Variants in LRRFIP1 observed in about 807,000 individuals in gnomAD.
LRRFIP1 encodes leucine-rich repeat flightless-interacting protein 1.
LRRFIP1 carries 62 observed loss-of-function variants against 104.4 expected under a neutral mutation model. The observed-to-expected ratio is 0.59, with a 90% CI of 0.48 to 0.73. LRRFIP1 has a LOEUF of 0.73. Among genes scored for constraint, LRRFIP1 ranks in the 30% least tolerant of loss-of-function variants. The pLI is 0.00. For synonymous variants in LRRFIP1, 300 were observed against 299.0 expected (o/e 1.00, Z -0.03); for missense variants, 796 against 824.5 (o/e 0.97, Z 0.42).
chr2:237,729,049 A>G (rs986720098), intron 8 of LRRFIP1, among the ~76,000 whole-genome samples: 3 of 152,160 alleles, frequency 2.0e-5, no homozygotes, highest in African/African-American at 4.8e-5. Context: ...CAGCCTCCCA[A>G]GTAGCTTGGA....
chr2:237,750,621 C>T (rs765415812), intron 13 of LRRFIP1, among the ~76,000 whole-genome samples: 4 of 152,168 alleles, frequency 2.6e-5, no homozygotes, highest in Non-Finnish European at 5.9e-5. Context: ...CAGGCGTGAG[C>T]CGCTGCGCCT....
In LRRFIP1 at chr2:237,779,118, GC is replaced by G. The variant is rs530720699; in HGVS notation, c.1813-303del. On this transcript the variant is annotated intron_variant, in intron 23 of 23. Coordinates refer to ENST00000308482, the MANE Select transcript of LRRFIP1 (RefSeq NM_001137550.2). ...ACACCTGTAGTCCCGGGAGGCTGAG[GC>G]AGGGGAATCGCTTGAACCCGTGAGG... Among the ~76,000 whole-genome samples, 23 of 152,006 alleles carry G rather than the reference GC, an allele frequency of 1.5e-4. No individual in the cohort carries two copies. The South Asian group carries it at 2.7e-3, about 18-fold the overall frequency.
Position 237,760,118 on chromosome 2 carries a change from A to G in LRRFIP1, c.1372A>G (p.Thr458Ala). The G allele has an allele frequency of 6.2e-7, 1 of 1,613,970 alleles. No individual in the cohort carries two copies. Reference sequence around the variant, plus strand: ...AGCTACCAATGGAGAGACTTCCGACACCCTCAATAATGTTGGATACCAAGG... The same window carrying G: ...AGCTACCAATGGAGAGACTTCCGACGCCCTCAATAATGTTGGATACCAAGG... Reference protein sequence around the residue: ...EIATNGETSDTLNNVGYQGPT... With the variant: ...EIATNGETSDALNNVGYQGPT... The change falls in exon 19 of 24, where the codon ACC becomes GCC. Residue 458 changes from threonine (T) to alanine (A), a missense_variant. Coordinates refer to ENST00000308482, the MANE Select transcript of LRRFIP1 (RefSeq NM_001137550.2).
rs1281767431 is a variant in LRRFIP1 at position 237,758,399 on chromosome 2, CTT to C, written c.1225-328_1225-327del. 4.6e-5 allele frequency among the ~76,000 whole-genome samples: 7 copies of C among 152,270 alleles called. No homozygotes were observed. The East Asian group carries it at 1.4e-3, about 29-fold the overall frequency. ...TACTGACCCCTCATTCAAGTGGAGA[CTT>C]TGCGTAACTCTAACGCAGCTGTGAA... On this transcript the variant is annotated intron_variant, in intron 17 of 23. Coordinates refer to ENST00000308482, the MANE Select transcript of LRRFIP1 (RefSeq NM_001137550.2).
chr2:237,719,685 AAATT>A (rs2094469756), intron 5 of LRRFIP1, 118 bp downstream of exon 5: 1 of 618,194 alleles, frequency 1.6e-6, no homozygotes, highest in African/African-American at 1.9e-5. Context: ...TCTCTTAAAG[AAATT>A]AACTAATACT....
chr2:237,637,405 T>C (rs775757125), intron 1 of LRRFIP1, among the ~76,000 whole-genome samples: 8 of 152,078 alleles, frequency 5.3e-5, no homozygotes, highest in Non-Finnish European at 1.2e-4. Context: ...GAGGCAGAGG[T>C]TGCAGTGAGC....
At chr2:237,734,343 C>T (rs886952158) in intron 9 of LRRFIP1, among the ~76,000 whole-genome samples, 1 of 140,650 alleles carries the variant, frequency 7.1e-6, no homozygotes, top group African/African-American at 2.8e-5. Context: ...TGCAAGGGCA[C>T]GATCTCGGCT....
intron 1 of LRRFIP1, among the ~76,000 whole-genome samples, chr2:237,629,156 C>T (rs1479702835): frequency 6.6e-6 from 1 of 152,210 alleles, no homozygotes; most frequent in Non-Finnish European, 1.5e-5. Context: ...CAGCACAGAG[C>T]CAGGCACATA....
At chr2:237,665,238 C>T (rs952532144) in intron 1 of LRRFIP1, among the ~76,000 whole-genome samples, 1 of 151,520 alleles carries the variant, frequency 6.6e-6, no homozygotes, top group Admixed American at 6.6e-5. Flanking sequence ...AGTAATTTAG[C>T]TTAAAAAAAG....
intron 1 of LRRFIP1, among the ~76,000 whole-genome samples, chr2:237,642,230 G>T (rs2084094497): frequency 6.6e-6 from 1 of 152,232 alleles, no homozygotes; most frequent in South Asian, 2.1e-4. Flanking sequence ...CCGCGTGTGT[G>T]CAGTTGCTGC....
At position 237,723,570 on chromosome 2, in the gene LRRFIP1, G is replaced by A. The variant is rs745729900; in HGVS notation, c.368G>A (p.Gly123Glu). ...CAGTCGCAGCCTGACTTGGAGTATG[G>A]GGGTCCTTACGCCTGGGTGAGATGG... The part of the protein sequence containing the change: ...SLRSQPDLEY[G>E]GPYAWTNGYD... The change falls in exon 7 of 24, where the codon GGG becomes GAG. Residue 123 changes from glycine to glutamate, a missense_variant. By Grantham distance (98) the Gly-to-Glu change is moderately conservative. Transcript: ENST00000308482. The A allele has an allele frequency of 8.7e-6, 14 of 1,613,928 alleles. No homozygotes were observed. Among genetic ancestry groups the A allele is most frequent in the Admixed American group, 3.3e-5 (2 of 60,018 alleles).
At chr2:237,653,500 A>G (rs2086278953) in intron 1 of LRRFIP1, among the ~76,000 whole-genome samples, 1 of 152,226 alleles carries the variant, frequency 6.6e-6, no homozygotes, top group African/African-American at 2.4e-5. Context: ...ACAAAAATAG[A>G]AAAAATAAAA....
intron 1 of LRRFIP1, among the ~76,000 whole-genome samples, chr2:237,684,814 C>A (rs193064379): frequency 6.6e-6 from 1 of 151,422 alleles, no homozygotes; most frequent in African/African-American, 2.4e-5. Context: ...GGGCCTGGTG[C>A]GGTGGCTCAG....
chr2:237,778,288 C>T (rs1469899564), intron 23 of LRRFIP1, among the ~76,000 whole-genome samples: 1 of 152,244 alleles, frequency 6.6e-6, no homozygotes, highest in Non-Finnish European at 1.5e-5. Flanking sequence ...AGGACCCAAA[C>T]AAGCTTCCTT....
intron 11 of LRRFIP1, among the ~76,000 whole-genome samples, chr2:237,739,601 G>A (rs2095354029): frequency 6.6e-6 from 1 of 152,152 alleles, no homozygotes; most frequent in African/African-American, 2.4e-5. Context: ...TTAATGCTTT[G>A]CTTGAAGTGT....
At chr2:237,708,817 C>T (rs547558707) in intron 2 of LRRFIP1, 187 bp downstream of exon 2, 14 of 727,064 alleles carry the variant, frequency 1.9e-5, no homozygotes, top group Non-Finnish European at 2.5e-5. Flanking sequence ...GGATACCAGG[C>T]GTGCCTGCTC....
At chr2:237,673,499 G>A (rs965346456) in intron 1 of LRRFIP1, among the ~76,000 whole-genome samples, 2 of 152,208 alleles carry the variant, frequency 1.3e-5, no homozygotes, top group Non-Finnish European at 2.9e-5. Context: ...CGCGCGTGGC[G>A]TGGGGCGTGG....
chr2:237,685,941 T>C (rs1246692740), intron 1 of LRRFIP1, among the ~76,000 whole-genome samples: 2 of 152,242 alleles, frequency 1.3e-5, no homozygotes, highest in East Asian at 3.8e-4. Context: ...GACCAGTGTT[T>C]TTCTAGTTGC....
intron 11 of LRRFIP1, among the ~76,000 whole-genome samples, chr2:237,743,563 C>T (rs1339757726): frequency 6.6e-6 from 1 of 152,166 alleles, no homozygotes; most frequent in Non-Finnish European, 1.5e-5. Flanking sequence ...TCTTCCTCTC[C>T]AGCACGACCA....
Sources: gnomAD v4.1 joint callset for allele counts (sites outside exome capture counted in the v4.1 genomes callset) on GRCh38, gnomAD v4.1.1 for gene constraint, MANE v1.5 for transcripts, NCBI Gene and HGNC (gene_info 2026-07-23, HGNC 2026-07-21) for gene names.